The following ZC2HC1B variants were observed in gnomAD, a reference collection of about 807,000 sequenced individuals.
ZC2HC1B encodes zinc finger C2HC-type containing 1B.
In ZC2HC1B, 36 loss-of-function variants were observed where a neutral mutation model predicts 31.0. The ratio of observed to expected loss-of-function variants is 1.16; its 90% CI spans 0.89 to 1.54. The LOEUF (loss-of-function observed/expected upper bound fraction) is 1.54, where lower values mean the gene tolerates loss of function less well. Ranked by LOEUF, ZC2HC1B falls within the 40% of genes most tolerant of loss-of-function variation. The pLI is 0.00. For synonymous variants in ZC2HC1B, 73 were observed against 88.0 expected, an observed-to-expected ratio of 0.83 and a Z score of 0.95; for missense variants, 260 against 268.6, an observed-to-expected ratio of 0.97 and a Z score of 0.22.
chr6:143,870,559 G>A lies in ZC2HC1B; in HGVS notation c.28+5992G>A, dbSNP rs1358152155. ...TCCATTTGATGATGGATGCTGCTGT[G>A]CATGACCCACTTTATGGCTAGATGG... On this transcript the variant is annotated intron_variant, in intron 1 of 7. Transcript: ENST00000237275. The surrounding 1 kb of genome is among the most constrained non-coding windows in gnomAD (Gnocchi z 4.7). Among the ~76,000 whole-genome samples the A allele has an allele frequency of 6.6e-6, 1 of 152,144 alleles. No individual in the cohort carries two copies. The highest frequency in any genetic ancestry group is 6.5e-5 in the Admixed American group (1 of 15,270).
chr6:143,938,096 G>A lies in ZC2HC1B; in HGVS notation c.*15-46G>A, dbSNP rs924453531. Reference sequence around the variant, plus strand: ...TATGTTATTTAGCATTCTCAATGTGGAAACAATGACATTCTAAAGTAAATG... The same window carrying A: ...TATGTTATTTAGCATTCTCAATGTGAAAACAATGACATTCTAAAGTAAATG... On this transcript the variant is annotated intron_variant, in intron 7 of 7. Transcript: ENST00000237275. This position sits in a 1 kb window ranked among gnomAD's most constrained non-coding sequence, Gnocchi z 4.2. 1.3e-5 allele frequency: 2 copies of A among 156,284 alleles called. No homozygotes were observed. The highest frequency in any genetic ancestry group is 4.8e-5 in the African/African-American group (2 of 41,536). The allele number at this position is 156,284 out of a possible 1,614,324, so 9.7% of individuals were successfully genotyped here.
intron 1 of ZC2HC1B, among the ~76,000 whole-genome samples, chr6:143,867,868 G>A (rs1341995686): frequency 1.3e-5 from 2 of 152,176 alleles, no homozygotes; most frequent in African/African-American, 4.8e-5. Flanking sequence ...TCTCTATCCA[G>A]TCTATAATTG....
intron 5 of ZC2HC1B, 61 bp from the exon 6 acceptor site, chr6:143,902,983 G>T: frequency 6.8e-7 from 1 of 1,473,408 alleles, no homozygotes; most frequent in Non-Finnish European, 9.3e-7. Context: ...TACCTCCTAT[G>T]TGGCACCTGA....
intron 1 of ZC2HC1B, among the ~76,000 whole-genome samples, chr6:143,879,242 T>G (rs1349251164): frequency 6.6e-6 from 1 of 152,206 alleles, no homozygotes. Context: ...GGTGTTGCTT[T>G]AAGTCCTCCA....
In ZC2HC1B at chr6:143,901,379, C is replaced by G. The variant is rs1777737103; in HGVS notation, c.490-1665C>G. Among the ~76,000 whole-genome samples the G allele has an allele frequency of 4.7e-5, 7 of 149,972 alleles. No homozygotes were observed. In the Admixed American group the frequency reaches 4.7e-4, roughly 10 times the overall value. On this transcript the variant is annotated intron_variant, in intron 5 of 7. Coordinates refer to ENST00000237275, the MANE Select transcript of ZC2HC1B (RefSeq NM_001013623.3). Reference sequence around the variant, plus strand: ...GGTTCAAGCGATTCTTGTGACCCAGCCTTCCAAGTAGCTTGGATTACAGGC... The same window carrying G: ...GGTTCAAGCGATTCTTGTGACCCAGGCTTCCAAGTAGCTTGGATTACAGGC...
chr6:143,901,461 T>G (rs1446139015), intron 5 of ZC2HC1B, among the ~76,000 whole-genome samples: 1 of 151,704 alleles, frequency 6.6e-6, no homozygotes, highest in Non-Finnish European at 1.5e-5. Context: ...GGTTTCACCA[T>G]GTTGGCCAGG....
chr6:143,886,082 T>C lies in ZC2HC1B; in HGVS notation c.141T>C (p.Pro47=). ...AACTCTTCAACAGAAAGCGTAAACC[T>C]TTCAGTTCTTTGAAGCAAAGATTAC... ...CKKLFNRKRK[P]FSSLKQRLQG... Residue 47 remains proline, a synonymous_variant, in exon 3 of 8, where the codon CCT becomes CCC. Coordinates refer to ENST00000237275, the MANE Select transcript of ZC2HC1B (RefSeq NM_001013623.3). This position sits in a 1 kb window ranked among gnomAD's most constrained non-coding sequence, Gnocchi z 4.2. The C allele has an allele frequency of 6.5e-7, 1 of 1,549,048 alleles. No homozygotes were observed. Among genetic ancestry groups the C allele is most frequent in the Admixed American group, 2.0e-5 (1 of 50,050 alleles).
Position 143,918,209 on chromosome 6 carries a change from A to G in ZC2HC1B, c.598+15057A>G, listed in dbSNP as rs1177876226. 2.0e-5 allele frequency among the ~76,000 whole-genome samples: 3 copies of G among 152,052 alleles called. No individual in the cohort carries two copies. Among genetic ancestry groups the G allele is most frequent in the African/African-American group, 7.2e-5 (3 of 41,432 alleles). ...AGAGACAGGATCTTACTTGTTGCCCAGGCTGAACTCAAGCTCCTGGGCTCA... is the reference window on the plus strand; with the variant it reads ...AGAGACAGGATCTTACTTGTTGCCCGGGCTGAACTCAAGCTCCTGGGCTCA... On this transcript the variant is annotated intron_variant, in intron 6 of 7. Transcript: ENST00000237275. This position sits in a 1 kb window ranked among gnomAD's most constrained non-coding sequence, Gnocchi z 4.1.
rs116047501 is a variant in ZC2HC1B at position 143,923,968 on chromosome 6, T to C, written c.599-13681T>C. Among the ~76,000 whole-genome samples the C allele has an allele frequency of 0.01, 1,525 of 152,200 alleles. 31 individuals are homozygous for C. The highest frequency in any genetic ancestry group is 0.035 in the African/African-American group (1,474 of 41,528). Reference sequence around the variant, plus strand: ...TTCTATACAAATTTTAGGATTTTTTTGTATTTATATAAAGAATGTCATTGG... The same window carrying C: ...TTCTATACAAATTTTAGGATTTTTTCGTATTTATATAAAGAATGTCATTGG... On this transcript the variant is annotated intron_variant, in intron 6 of 7. Coordinates refer to ENST00000237275, the MANE Select transcript of ZC2HC1B (RefSeq NM_001013623.3). The surrounding 1 kb of genome is among the most constrained non-coding windows in gnomAD (Gnocchi z 4.8).
In ZC2HC1B at chr6:143,903,159, C is replaced by G. The variant is rs1349929506; in HGVS notation, c.598+7C>G. The G allele has an allele frequency of 6.4e-7, 1 of 1,551,156 alleles. No homozygotes were observed. Among genetic ancestry groups the G allele is most frequent in the East Asian group, 2.4e-5 (1 of 40,930 alleles). ...GAAGTCCCAACCAAGTCAGGTGAGT[C>G]AAAGCACGCATTTCATCTCTCAAAT... On this transcript the variant is annotated splice_region_variant and intron_variant, in intron 6 of 7. Coordinates refer to ENST00000237275, the MANE Select transcript of ZC2HC1B (RefSeq NM_001013623.3). The surrounding 1 kb of genome is among the most constrained non-coding windows in gnomAD (Gnocchi z 4.3).
chr6:143,906,096 A>T lies in ZC2HC1B; in HGVS notation c.598+2944A>T, dbSNP rs1305925909. On this transcript the variant is annotated intron_variant, in intron 6 of 7. Transcript: ENST00000237275. ...CTTCAACACATTTGGGAAAAGTCTG[A>T]GAAGGGTTGGTGTTAGTTTTTCTTT... Among the ~76,000 whole-genome samples, 5 of 152,200 alleles carry T rather than the reference A, an allele frequency of 3.3e-5. No individual in the cohort carries two copies. The South Asian group carries it at 1.0e-3, about 31-fold the overall frequency.
chr6:143,909,307 G>A (rs1409088253), intron 6 of ZC2HC1B, among the ~76,000 whole-genome samples: 1 of 152,074 alleles, frequency 6.6e-6, no homozygotes, highest in African/African-American at 2.4e-5. Flanking sequence ...TGAGGCATGA[G>A]AGTCACATGA....
At chr6:143,904,610 C>T (rs1042187420) in intron 6 of ZC2HC1B, among the ~76,000 whole-genome samples, 4 of 152,010 alleles carry the variant, frequency 2.6e-5, no homozygotes, top group African/African-American at 9.7e-5. Flanking sequence ...TAGTGAAGTC[C>T]AATTTGTCTG....
intron 1 of ZC2HC1B, 68 bp downstream of exon 1, chr6:143,864,635 T>C (rs1777234175): frequency 5.3e-6 from 8 of 1,503,696 alleles, no homozygotes; most frequent in African/African-American, 1.4e-5. Flanking sequence ...TTATGGCTTT[T>C]CCAAAGCTGG....
intron 4 of ZC2HC1B, among the ~76,000 whole-genome samples, chr6:143,889,879 G>A (rs143117312): frequency 4.6e-5 from 7 of 152,168 alleles, no homozygotes; most frequent in East Asian, 3.9e-4. Context: ...TCAAGTATAC[G>A]TGGAACAGTC....
chr6:143,892,010 C>A (rs1777607857), intron 4 of ZC2HC1B, among the ~76,000 whole-genome samples: 1 of 152,148 alleles, frequency 6.6e-6, no homozygotes, highest in African/African-American at 2.4e-5. Context: ...GATGGTAGAA[C>A]AACTGGATAT....
chr6:143,896,147 G>C (rs540397999), intron 4 of ZC2HC1B, among the ~76,000 whole-genome samples: 1 of 152,318 alleles, frequency 6.6e-6, no homozygotes, highest in Non-Finnish European at 1.5e-5. Flanking sequence ...AGAGGCCCTA[G>C]TGCCTCTTCT....
At position 143,868,926 on chromosome 6, in the gene ZC2HC1B, C is replaced by T. The variant is rs1222894812; in HGVS notation, c.28+4359C>T. Among the ~76,000 whole-genome samples, 2 of 152,120 alleles carry T rather than the reference C, an allele frequency of 1.3e-5. No homozygotes were observed. Among genetic ancestry groups the T allele is most frequent in the East Asian group, 3.8e-4 (2 of 5,202 alleles). On this transcript the variant is annotated intron_variant, in intron 1 of 7. Transcript: ENST00000237275. The surrounding 1 kb of genome is among the most constrained non-coding windows in gnomAD (Gnocchi z 4.2). ...AAAATGAAGATATCTTCTTAGTACA[C>T]GTGTGTACATGCACAAACATGTTTT...
intron 1 of ZC2HC1B, among the ~76,000 whole-genome samples, chr6:143,874,075 G>A (rs1244457082): frequency 6.6e-6 from 1 of 152,068 alleles, no homozygotes; most frequent in South Asian, 2.1e-4. Flanking sequence ...ACCTTTTGAT[G>A]CTTTCCTGCT....
Sources: allele counts gnomAD v4.1 joint callset (sites outside exome capture counted in the v4.1 genomes callset), GRCh38; gene constraint gnomAD v4.1.1; non-coding constraint Gnocchi (gnomAD v3.1); transcripts MANE v1.5; gene names NCBI Gene and HGNC (gene_info 2026-07-23, HGNC 2026-07-21).